SFT2D2: variants seen among roughly 807,000 people sequenced by gnomAD.
SFT2D2 encodes the protein SFT2 domain containing 2.
Under a neutral mutation model 27.4 loss-of-function variants are expected in SFT2D2, and 21 were observed. The ratio of observed to expected loss-of-function variants is 0.77; its 90% CI spans 0.54 to 1.10. SFT2D2 has a LOEUF of 1.10. Among genes scored for constraint, SFT2D2 ranks in the 50% least tolerant of loss-of-function variants. The probability of loss-of-function intolerance (pLI) is 0.00; values close to 1 mark genes in which losing one functional copy is unlikely to be tolerated. For synonymous variants in SFT2D2, 72 were observed against 71.7 expected (o/e 1.00, Z -0.02); for missense variants, 187 against 194.2 (o/e 0.96, Z 0.22).
intron 6 of SFT2D2, among the ~76,000 whole-genome samples, chr1:168,238,135 C>G (rs755128898): frequency 6.6e-6 from 1 of 152,062 alleles, no homozygotes; most frequent in African/African-American, 2.4e-5. Flanking sequence ...CATTATGGAG[C>G]CTGTTCCTTG....
chr1:168,242,639 C>T lies in SFT2D2; in HGVS notation c.*99C>T. ...GAAACCTCTGTCTTACAGACATGTG[C>T]CTTTTATCTTGCAGCAATGTGTTGC... is the stretch of plus-strand genomic sequence containing the variant. On this transcript the variant is annotated 3_prime_UTR_variant, in exon 8 of 8. Transcript: ENST00000271375. The T allele has an allele frequency of 1.4e-6, 2 of 1,392,326 alleles. No homozygotes were observed. 86.2% of individuals were successfully genotyped at this position (1,392,326 alleles called of 1,614,324 possible).
At position 168,249,232 on chromosome 1, in the gene SFT2D2, C is replaced by T. The variant is rs959786740; in HGVS notation, c.*6692C>T. 6.6e-6 allele frequency: 1 copy of T among 152,224 alleles called. No individual in the cohort carries two copies. The highest frequency in any genetic ancestry group is 1.5e-5 in the Non-Finnish European group (1 of 68,014). The allele number at this position is 152,224 out of a possible 1,614,324, so 9.4% of individuals were successfully genotyped here. ...TGGGCATTTAGTGCTATAAATTTCC[C>T]TCTACACACTGCTTTAATTTTGAAA... On this transcript the variant is annotated 3_prime_UTR_variant, in exon 8 of 8. Coordinates refer to ENST00000271375, the MANE Select transcript of SFT2D2 (RefSeq NM_199344.3).
intron 1 of SFT2D2, among the ~76,000 whole-genome samples, chr1:168,227,975 C>T (rs564887892): frequency 1.2e-4 from 18 of 152,322 alleles, no homozygotes; most frequent in Middle Eastern, 6.8e-3. Context: ...GTGTTGGATA[C>T]TGTGAGAAGG....
intron 6 of SFT2D2, among the ~76,000 whole-genome samples, chr1:168,238,654 C>T (rs1025623141): frequency 1.3e-5 from 2 of 151,810 alleles, no homozygotes; most frequent in African/African-American, 4.8e-5. Flanking sequence ...TATGATTGAG[C>T]CACTATATTC....
rs539586135 is a variant in SFT2D2, at chr1:168,246,758, G to C, written c.*4218G>C. On this transcript the variant is annotated 3_prime_UTR_variant, in exon 8 of 8. Transcript: ENST00000271375. The stretch of plus-strand genomic sequence containing the variant: ...GTTTTTCCTTCTCCAGTTTAGAACG[G>C]AGCATTGTGTTCTCATCTGTCAGAG... The C allele has an allele frequency of 1.3e-6, 1 of 766,916 alleles. No individual in the cohort carries two copies. The highest frequency in any genetic ancestry group is 1.4e-5 in the South Asian group (1 of 73,502). 47.5% of individuals were successfully genotyped at this position (766,916 alleles called of 1,614,324 possible).
Position 168,246,337 on chromosome 1 carries a change from G to A in SFT2D2, c.*3797G>A, listed in dbSNP as rs2205697. On this transcript the variant is annotated 3_prime_UTR_variant, in exon 8 of 8. Coordinates refer to ENST00000271375, the MANE Select transcript of SFT2D2 (RefSeq NM_199344.3). ...AGTTGCTGTTGAAGCAACATATTTTGTCTTCGTAGTTGACATAATCTTACT... is the reference window on the plus strand; with the variant it reads ...AGTTGCTGTTGAAGCAACATATTTTATCTTCGTAGTTGACATAATCTTACT... The A allele has an allele frequency of 0.58, 268,194 of 461,380 alleles. 81,539 individuals are homozygous for A. Among genetic ancestry groups the A allele is most frequent in the Non-Finnish European group, 0.66 (169,061 of 256,576 alleles). The allele number at this position is 461,380 out of a possible 1,614,324, so 28.6% of individuals were successfully genotyped here.
In SFT2D2 at chr1:168,246,864, T is replaced by G. The variant is rs1382053905; in HGVS notation, c.*4324T>G. On this transcript the variant is annotated 3_prime_UTR_variant, in exon 8 of 8. Coordinates refer to ENST00000271375, the MANE Select transcript of SFT2D2 (RefSeq NM_199344.3). ...TTTTAGAGCCTTTTGAAGGTCTTCA[T>G]GCTTTCTTTTTATAATTTCAATGTC... is the stretch of plus-strand genomic sequence containing the variant. 3 of 632,404 alleles carry G rather than the reference T, an allele frequency of 4.7e-6. No individual in the cohort carries two copies. Among genetic ancestry groups the G allele is most frequent in the Non-Finnish European group, 8.4e-6 (3 of 358,570 alleles). 39.2% of individuals were successfully genotyped at this position (632,404 alleles called of 1,614,324 possible).
chr1:168,245,260 A>G lies in SFT2D2; in HGVS notation c.*2720A>G, dbSNP rs1341796852. 7 of 152,372 alleles carry G rather than the reference A, an allele frequency of 4.6e-5. No individual in the cohort carries two copies. The East Asian group carries it at 1.2e-3, about 25-fold the overall frequency. The allele number at this position is 152,372 out of a possible 1,614,324, so 9.4% of individuals were successfully genotyped here. A position where few individuals can be genotyped will look rare whatever the true frequency, so the allele number is the denominator to read the frequency against. The stretch of plus-strand genomic sequence containing the variant: ...AACCAGCAAGTGAGTTTCGCAACAC[A>G]GCAGGATATATAATTGATATACACA... On this transcript the variant is annotated 3_prime_UTR_variant, in exon 8 of 8. Coordinates refer to ENST00000271375, the MANE Select transcript of SFT2D2 (RefSeq NM_199344.3).
In SFT2D2 at chr1:168,249,266, T is replaced by C. The variant is rs11799946; in HGVS notation, c.*6726T>C. The C allele has an allele frequency of 0.61, 93,422 of 152,058 alleles. 29,008 individuals are homozygous for C. Among genetic ancestry groups the C allele is most frequent in the Non-Finnish European group, 0.66 (45,177 of 68,002 alleles). The allele number at this position is 152,058 out of a possible 1,614,324, so 9.4% of individuals were successfully genotyped here. ...CTGCTTTAATTTTGAAATGGAGTTT[T>C]GCTCAGTTTCCCAGGCTAGAGTGCG... On this transcript the variant is annotated 3_prime_UTR_variant, in exon 8 of 8. Transcript: ENST00000271375.
rs1647518275 is a variant in SFT2D2, at chr1:168,236,853, T to C, written c.413+83T>C. 3 of 1,457,170 alleles carry C rather than the reference T, an allele frequency of 2.1e-6. No individual in the cohort carries two copies. In the South Asian group the frequency reaches 3.5e-5, roughly 17 times the overall value. 90.3% of individuals were successfully genotyped at this position (1,457,170 alleles called of 1,614,324 possible). A position where few individuals can be genotyped will look rare whatever the true frequency, so the allele number is the denominator to read the frequency against. ...GGAGATAAAACTCACATATTGTGGG[T>C]GGGAGAATTAAGAAAACACAGAAGC... On this transcript the variant is annotated intron_variant, in intron 6 of 7. Transcript: ENST00000271375.
At chr1:168,240,919 A>C (rs534082441) in intron 7 of SFT2D2, among the ~76,000 whole-genome samples, 26 of 152,280 alleles carry the variant, frequency 1.7e-4, no homozygotes, top group Admixed American at 9.2e-4. Flanking sequence ...CTCAAAAAAA[A>C]AGATTAAGAA....
rs1184149395 is a variant in SFT2D2, at chr1:168,245,329, T to C, written c.*2789T>C. 6.6e-6 allele frequency: 1 copy of C among 152,178 alleles called. No individual in the cohort carries two copies. Among genetic ancestry groups the C allele is most frequent in the Non-Finnish European group, 1.5e-5 (1 of 68,022 alleles). The allele number at this position is 152,178 out of a possible 1,614,324, so 9.4% of individuals were successfully genotyped here. A position where few individuals can be genotyped will look rare whatever the true frequency, so the allele number is the denominator to read the frequency against. ...ATGTTAGAAGTAAAGAATTAGGAAT[T>C]GAAAATTTAAAAATAATACCATTTA... On this transcript the variant is annotated 3_prime_UTR_variant, in exon 8 of 8. Coordinates refer to ENST00000271375, the MANE Select transcript of SFT2D2 (RefSeq NM_199344.3).
chr1:168,243,718 C>T lies in SFT2D2; in HGVS notation c.*1178C>T, dbSNP rs1046914974. The T allele has an allele frequency of 1.3e-5, 2 of 152,596 alleles. No homozygotes were observed. Among genetic ancestry groups the T allele is most frequent in the African/African-American group, 4.8e-5 (2 of 41,426 alleles). 9.5% of individuals were successfully genotyped at this position (152,596 alleles called of 1,614,324 possible). ...GGCCCACACTGGTTTTTGGATCCAC[C>T]CAAAGCCACAGCTTCAGCCTCCTTC... On this transcript the variant is annotated 3_prime_UTR_variant, in exon 8 of 8. Transcript: ENST00000271375.
Position 168,242,600 on chromosome 1 carries a change from T to C in SFT2D2, c.*60T>C. On this transcript the variant is annotated 3_prime_UTR_variant, in exon 8 of 8. Coordinates refer to ENST00000271375, the MANE Select transcript of SFT2D2 (RefSeq NM_199344.3). ...TATGGACAGAAGCTGGTGGACAGTT[T>C]TGTAACTATCTTCGAAACCTCTGTC... 5.6e-6 allele frequency: 9 copies of C among 1,595,762 alleles called. No homozygotes were observed.
chr1:168,227,337 A>G (rs998203459), intron 1 of SFT2D2, among the ~76,000 whole-genome samples: 2 of 152,218 alleles, frequency 1.3e-5, no homozygotes, highest in African/African-American at 4.8e-5. Flanking sequence ...CTGGAAACTA[A>G]TCAGTGTTTC....
At position 168,246,681 on chromosome 1, in the gene SFT2D2, A is replaced by G. The variant is rs780086238; in HGVS notation, c.*4141A>G. 4.3e-6 allele frequency: 5 copies of G among 1,170,560 alleles called. No individual in the cohort carries two copies. Among genetic ancestry groups the G allele is most frequent in the Non-Finnish European group, 6.3e-6 (5 of 797,556 alleles). 72.5% of individuals were successfully genotyped at this position (1,170,560 alleles called of 1,614,324 possible). On this transcript the variant is annotated 3_prime_UTR_variant, in exon 8 of 8. Transcript: ENST00000271375. ...GACTTTGATCATGATCATGTAGAGC[A>G]ACATTCAGTCTACGATGGTATGATT...
intron 7 of SFT2D2, among the ~76,000 whole-genome samples, chr1:168,241,775 A>G: frequency 6.6e-6 from 1 of 152,152 alleles, no homozygotes; most frequent in East Asian, 1.9e-4. Flanking sequence ...CTGCCCTGGA[A>G]CCATCTTGAT....
chr1:168,242,149 T>C (rs1376402777), intron 7 of SFT2D2, among the ~76,000 whole-genome samples: 1 of 152,206 alleles, frequency 6.6e-6, no homozygotes, highest in Non-Finnish European at 1.5e-5. Flanking sequence ...ATGCTGTCAG[T>C]GCATTCTGTG....
Position 168,246,761 on chromosome 1 carries a change from C to G in SFT2D2, c.*4221C>G. ...TTTCCTTCTCCAGTTTAGAACGGAG[C>G]ATTGTGTTCTCATCTGTCAGAGCAG... On this transcript the variant is annotated 3_prime_UTR_variant, in exon 8 of 8. Transcript: ENST00000271375. 1.3e-6 allele frequency: 1 copy of G among 753,662 alleles called. No homozygotes were observed. The highest frequency in any genetic ancestry group is 2.3e-6 in the Non-Finnish European group (1 of 438,836). 46.7% of individuals were successfully genotyped at this position (753,662 alleles called of 1,614,324 possible).
Sources: gnomAD v4.1 joint callset for allele counts (sites outside exome capture counted in the v4.1 genomes callset) on GRCh38, gnomAD v4.1.1 for gene constraint, MANE v1.5 for transcripts, NCBI Gene and HGNC (gene_info 2026-07-23, HGNC 2026-07-21) for gene names.